Variants in GPHN observed in about 807,000 individuals in gnomAD.
GPHN encodes the protein gephyrin.
In GPHN, 17 loss-of-function variants were observed where a neutral mutation model predicts 95.5. That is an observed-to-expected ratio of 0.18 (90% CI 0.12 to 0.27). The LOEUF is 0.27. GPHN is among the 10% of genes least tolerant of loss of function. The pLI, the probability that GPHN is intolerant of heterozygous loss-of-function variation, is 1.00. For synonymous variants in GPHN, 320 were observed against 322.5 expected (o/e 0.99, Z 0.08); for missense variants, 660 against 978.1 (o/e 0.67, Z 4.34).
chr14:67,451,812 G>A, the GPHN span, among the ~76,000 whole-genome samples: 5 of 152,148 alleles, frequency 3.3e-5, no homozygotes, highest in African/African-American at 4.8e-5. Flanking sequence ...CTGTTGGGAC[G>A]GCATGATTGA....
At chr14:67,218,829 G>T in the GPHN span, among the ~76,000 whole-genome samples, 4 of 151,938 alleles carry the variant, frequency 2.6e-5, no homozygotes, top group South Asian at 8.3e-4. Context: ...CTCAAGGGTG[G>T]GTTTTCCATG....
At chr14:66,825,470 C>T (rs1015853463) in intron 4 of GPHN, among the ~76,000 whole-genome samples, 18 of 152,078 alleles carry the variant, frequency 1.2e-4, no homozygotes, top group African/African-American at 4.3e-4. Context: ...CGTTAGCCTG[C>T]ATCAGAATCA....
intron 1 of GPHN, among the ~76,000 whole-genome samples, chr14:66,675,834 C>T (rs1294188224): frequency 6.6e-6 from 1 of 152,046 alleles, no homozygotes; most frequent in African/African-American, 2.4e-5. Flanking sequence ...ATCCAATTTT[C>T]CAACACCATT....
chr14:66,512,473 T>A (rs2139694723), intron 1 of GPHN, among the ~76,000 whole-genome samples: 1 of 151,988 alleles, frequency 6.6e-6, no homozygotes, highest in East Asian at 1.9e-4. Context: ...GATAATCCAT[T>A]ACCTAAATTG....
intron 9 of GPHN, among the ~76,000 whole-genome samples, chr14:67,010,158 A>G (rs545002739): frequency 2.6e-5 from 4 of 152,290 alleles, no homozygotes; most frequent in East Asian, 3.9e-4. Context: ...AGCTCCTCCC[A>G]TGTTAACTGC....
the GPHN span, among the ~76,000 whole-genome samples, chr14:67,483,690 C>T: frequency 3.9e-5 from 6 of 152,178 alleles, no homozygotes; most frequent in African/African-American, 1.4e-4. Flanking sequence ...ATTCAAAGGC[C>T]CCTCACCAGG....
the GPHN span, among the ~76,000 whole-genome samples, chr14:67,711,184 G>A: frequency 0.29 from 43,617 of 152,032 alleles, 7,573 homozygotes; most frequent in African/African-American, 0.48. Flanking sequence ...TAAATTTAAG[G>A]TTTAGCTATT....
chr14:67,336,062 C>T, the GPHN span: 1 of 152,402 alleles, frequency 6.6e-6, no homozygotes, highest in African/African-American at 2.4e-5. Context: ...CAACGCAAGG[C>T]TGTGAACTTG....
chr14:67,146,784 A>G (rs1185085874), intron 18 of GPHN, among the ~76,000 whole-genome samples: 2 of 152,268 alleles, frequency 1.3e-5, no homozygotes, highest in East Asian at 3.8e-4. Context: ...CTATAATCCC[A>G]GCACTTTGGG....
chr14:66,508,697 C>CTT (rs2057895332), intron 1 of GPHN, 106 bp downstream of exon 1: 1 of 1,016,718 alleles, frequency 9.8e-7, no homozygotes, highest in Admixed American at 1.7e-5. Context: ...GGAGGGAAGG[C>CTT]TGAAGAAGGG....
chr14:66,544,879 A>G (rs1032872936), intron 1 of GPHN, among the ~76,000 whole-genome samples: 42 of 152,050 alleles, frequency 2.8e-4, no homozygotes, highest in Non-Finnish European at 5.4e-4. Context: ...GACACAGCAC[A>G]TGTTTCAGAG....
chr14:66,863,833 C>G (rs2063125922), intron 4 of GPHN, among the ~76,000 whole-genome samples: 1 of 152,098 alleles, frequency 6.6e-6, no homozygotes, highest in Admixed American at 6.5e-5. Context: ...AGATTAAAAA[C>G]TTAAATCTAA....
chr14:67,621,809 T>C, the GPHN span, among the ~76,000 whole-genome samples: 4 of 151,660 alleles, frequency 2.6e-5, no homozygotes, highest in Non-Finnish European at 5.9e-5. Flanking sequence ...TTTGAATACC[T>C]TTATAAGCAG....
chr14:67,619,987 A>C, the GPHN span: 5 of 1,602,556 alleles, frequency 3.1e-6, no homozygotes, highest in Non-Finnish European at 3.4e-6. Context: ...CATGTCCCTA[A>C]GGGGCAGCCT....
the GPHN span, among the ~76,000 whole-genome samples, chr14:67,246,189 T>C: frequency 2.0e-5 from 3 of 152,158 alleles, no homozygotes; most frequent in African/African-American, 4.8e-5. Flanking sequence ...CTGTCCAGGC[T>C]GGAGTGCAGT....
the GPHN span, among the ~76,000 whole-genome samples, chr14:67,402,570 G>A: frequency 1.3e-4 from 19 of 151,942 alleles, no homozygotes; most frequent in East Asian, 1.9e-4. Context: ...CCATCTCCCC[G>A]GCAGCCCCTC....
the GPHN span, among the ~76,000 whole-genome samples, chr14:67,427,737 G>A: frequency 6.6e-6 from 1 of 152,072 alleles, no homozygotes; most frequent in Non-Finnish European, 1.5e-5. Context: ...CTCATACTTA[G>A]GAGATTTGGT....
At chr14:67,347,498 C>CTTT in the GPHN span, 1 of 1,292,310 alleles carries the variant, frequency 7.7e-7, no homozygotes, top group East Asian at 2.8e-5. Context: ...CCTTTAAGTT[C>CTTT]TCTCTTTTTT....
At chr14:66,516,147 C>T (rs373268246) in intron 1 of GPHN, among the ~76,000 whole-genome samples, 5 of 151,530 alleles carry the variant, frequency 3.3e-5, no homozygotes, top group African/African-American at 9.7e-5. Context: ...GCTGGGATTA[C>T]AGGCGCCTGC....
Sources: allele counts gnomAD v4.1 joint callset (sites outside exome capture counted in the v4.1 genomes callset), GRCh38; gene constraint gnomAD v4.1.1; transcripts MANE v1.5; gene names NCBI Gene and HGNC (gene_info 2026-07-23, HGNC 2026-07-21).